TLCD4: variants seen among roughly 807,000 people sequenced by gnomAD.
The protein encoded by TLCD4 is TLC domain containing 4, also known as TLC domain-containing protein 4.
A neutral mutation model predicts 24.2 loss-of-function variants in TLCD4; 7 were observed. The ratio of observed to expected loss-of-function variants is 0.29; its 90% confidence interval spans 0.16 to 0.54. The LOEUF is 0.54. Ranked by LOEUF, TLCD4 falls within the 20% of genes least tolerant of loss-of-function variation. TLCD4 has a pLI of 0.95. For synonymous variants in TLCD4, 103 were observed against 106.4 expected (o/e 0.97, Z 0.20); for missense variants, 259 against 313.9 (o/e 0.82, Z 1.32).
Position 95,117,391 on chromosome 1 carries a change from G to C in TLCD4, c.-238G>C, listed in dbSNP as rs1358394497. The C allele has an allele frequency of 6.6e-6, 1 of 152,124 alleles. No individual in the cohort carries two copies. Among genetic ancestry groups the C allele is most frequent in the Admixed American group, 6.5e-5 (1 of 15,276 alleles). 9.4% of individuals were successfully genotyped at this position (152,124 alleles called of 1,614,324 possible). A position where few individuals can be genotyped will look rare whatever the true frequency, so the allele number is the denominator to read the frequency against. On this transcript the variant is annotated 5_prime_UTR_variant, in exon 1 of 7. Transcript: ENST00000370203. ...CTGCGGTAACCCGAGCCCGCAGTCCGGGCGGGCGCGACGGCCGCCGCGGTA... is the reference window on the plus strand; with the variant it reads ...CTGCGGTAACCCGAGCCCGCAGTCCCGGCGGGCGCGACGGCCGCCGCGGTA...
chr1:95,096,152 T>C, the TLCD4 span, among the ~76,000 whole-genome samples: 1 of 152,218 alleles, frequency 6.6e-6, no homozygotes, highest in Admixed American at 6.5e-5. Context: ...GGTTATTCTC[T>C]ACCAATTAGC....
In TLCD4 at chr1:95,184,004, C is replaced by T. The variant is rs186641268; in HGVS notation, c.474-7546C>T. Among the ~76,000 whole-genome samples, 64 of 152,230 alleles carry T rather than the reference C, an allele frequency of 4.2e-4. 2 individuals are homozygous for T. Among genetic ancestry groups the T allele is most frequent in the Admixed American group, 3.4e-3 (52 of 15,278 alleles). On this transcript the variant is annotated intron_variant, in intron 6 of 6. Coordinates refer to ENST00000370203, the MANE Select transcript of TLCD4 (RefSeq NM_152487.3). ...TAAAATTCAGTTCTTAAATTCCTAA[C>T]CTTCCAGGGTTAATGTTTATTAAAT...
chr1:95,150,288 T>C, intron 4 of TLCD4, 22 bp downstream of exon 4: 1 of 1,607,026 alleles, frequency 6.2e-7, no homozygotes, highest in Non-Finnish European at 8.5e-7. Context: ...GTTGTTTTAT[T>C]GTCTAATTCC....
chr1:95,102,193 T>G, the TLCD4 span, among the ~76,000 whole-genome samples: 1 of 152,226 alleles, frequency 6.6e-6, no homozygotes, highest in South Asian at 2.1e-4. Flanking sequence ...CAATGGATAT[T>G]TATTGAGGGT....
intron 1 of TLCD4, among the ~76,000 whole-genome samples, chr1:95,134,243 T>C (rs1333129302): frequency 6.6e-6 from 1 of 152,126 alleles, no homozygotes; most frequent in Non-Finnish European, 1.5e-5. Flanking sequence ...ATGGCAGGGC[T>C]TGACGACATC....
intron 6 of TLCD4, among the ~76,000 whole-genome samples, chr1:95,178,563 CT>C (rs57190787): frequency 0.38 from 30,551 of 81,262 alleles, 2,873 homozygotes; most frequent in Middle Eastern, 0.57. Context: ...ATGCCCAGCC[CT>C]TTTTTTTTTT....
In TLCD4 at chr1:95,179,817, C is replaced by A. The variant is rs190906150; in HGVS notation, c.473+5928C>A. On this transcript the variant is annotated intron_variant, in intron 6 of 6. Coordinates refer to ENST00000370203, the MANE Select transcript of TLCD4 (RefSeq NM_152487.3). ...TGGCCCCTCAAACCCTCATCTCACA[C>A]CAGCTTGTCCATCTACTGGCAATGC... Among the ~76,000 whole-genome samples the A allele has an allele frequency of 2.2e-3, 333 of 152,284 alleles. 2 individuals are homozygous for A. Among genetic ancestry groups the A allele is most frequent in the Non-Finnish European group, 3.3e-3 (226 of 68,028 alleles).
At chr1:95,165,011 C>T (rs1359033817) in intron 5 of TLCD4, 1 of 152,226 alleles carries the variant, frequency 6.6e-6, no homozygotes, top group East Asian at 1.9e-4. Context: ...TTCCCAGCTC[C>T]CACATACCTG....
chr1:95,127,900 T>C (rs1676782624), intron 1 of TLCD4, among the ~76,000 whole-genome samples: 1 of 152,226 alleles, frequency 6.6e-6, no homozygotes, highest in South Asian at 2.1e-4. Flanking sequence ...GGCATTCTGA[T>C]TTATCCAAAA....
At chr1:95,154,944 G>T (rs974029617) in intron 5 of TLCD4, among the ~76,000 whole-genome samples, 1 of 150,786 alleles carries the variant, frequency 6.6e-6, no homozygotes, top group Non-Finnish European at 1.5e-5. Context: ...ACACGGTCAC[G>T]TTTTTACACA....
chr1:95,168,968 T>C (rs1472155259), intron 5 of TLCD4, among the ~76,000 whole-genome samples: 3 of 152,196 alleles, frequency 2.0e-5, no homozygotes, highest in Admixed American at 2.0e-4. Flanking sequence ...CAGGAAAAAC[T>C]TTTCTAGAGG....
chr1:95,150,486 C>T (rs1677464105), intron 4 of TLCD4, among the ~76,000 whole-genome samples: 2 of 152,090 alleles, frequency 1.3e-5, no homozygotes, highest in Non-Finnish European at 2.9e-5. Flanking sequence ...ATGCCTCAAA[C>T]AACTGAGGCC....
chr1:95,152,565 A>G (rs1448448471), intron 5 of TLCD4, among the ~76,000 whole-genome samples: 2 of 152,138 alleles, frequency 1.3e-5, no homozygotes, highest in Non-Finnish European at 2.9e-5. Flanking sequence ...ATCCTTACTG[A>G]AGAAATAGTT....
At chr1:95,115,065 A>C (rs951048928), upstream of TLCD4, among the ~76,000 whole-genome samples, 8 of 129,172 alleles carry the variant, frequency 6.2e-5, no homozygotes, top group African/African-American at 2.1e-4. Flanking sequence ...AGATTTAATG[A>C]ACTGGATATA....
Position 95,195,629 on chromosome 1 carries a change from A to G in TLCD4, c.*3761A>G, listed in dbSNP as rs1233093180. The G allele has an allele frequency of 6.6e-6, 1 of 152,214 alleles. No individual in the cohort carries two copies. Among genetic ancestry groups the G allele is most frequent in the Non-Finnish European group, 1.5e-5 (1 of 68,028 alleles). The allele number at this position is 152,214 out of a possible 1,614,324, so 9.4% of individuals were successfully genotyped here. A position where few individuals can be genotyped will look rare whatever the true frequency, so the allele number is the denominator to read the frequency against. ...GTTTCTCAGGTGCGAGCCAGCATACAGCGAGACCCTTCATGTGTCTCTGGA... is the reference window on the plus strand; with the variant it reads ...GTTTCTCAGGTGCGAGCCAGCATACGGCGAGACCCTTCATGTGTCTCTGGA... On this transcript the variant is annotated 3_prime_UTR_variant, in exon 7 of 7. Coordinates refer to ENST00000370203, the MANE Select transcript of TLCD4 (RefSeq NM_152487.3).
the TLCD4 span, among the ~76,000 whole-genome samples, chr1:95,104,688 A>G: frequency 6.7e-6 from 1 of 150,048 alleles, no homozygotes; most frequent in Non-Finnish European, 1.5e-5. Flanking sequence ...AAAGCGTTTA[A>G]CATGCCTAAT....
At chr1:95,162,500 C>T (rs976522385) in intron 5 of TLCD4, among the ~76,000 whole-genome samples, 16 of 152,054 alleles carry the variant, frequency 1.1e-4, no homozygotes, top group East Asian at 1.9e-4. Flanking sequence ...AGCACATGTG[C>T]ATTTAAGGTT....
In TLCD4 at chr1:95,194,797, T is replaced by C. The variant is rs1272748431; in HGVS notation, c.*2929T>C. On this transcript the variant is annotated 3_prime_UTR_variant, in exon 7 of 7. Coordinates refer to ENST00000370203, the MANE Select transcript of TLCD4 (RefSeq NM_152487.3). ...TTTGAAAATTATGAGCTATAACTTA[T>C]AAAGTTTGCCTTCTTATGTCTAAAA... 6.6e-6 allele frequency: 1 copy of C among 152,170 alleles called. No homozygotes were observed. The highest frequency in any genetic ancestry group is 1.5e-5 in the Non-Finnish European group (1 of 68,012). The allele number at this position is 152,170 out of a possible 1,614,324, so 9.4% of individuals were successfully genotyped here.
chr1:95,166,757 TCTCA>T, intron 5 of TLCD4, among the ~76,000 whole-genome samples: 1 of 152,264 alleles, frequency 6.6e-6, no homozygotes, highest in African/African-American at 2.4e-5. Context: ...AGAGACAAAG[TCTCA>T]CTCTGTCACC....
Sources: gnomAD v4.1 joint callset for allele counts (sites outside exome capture counted in the v4.1 genomes callset) on GRCh38, gnomAD v4.1.1 for gene constraint, MANE v1.5 for transcripts, NCBI Gene and HGNC (gene_info 2026-07-23, HGNC 2026-07-21) for gene names.